The following ITGAE variants were observed in gnomAD, a reference collection of about 807,000 sequenced individuals.
The protein encoded by ITGAE is integrin alpha-E.
In ITGAE, 99 loss-of-function variants were observed where a neutral mutation model predicts 136.5. That is an observed-to-expected ratio of 0.73 (90% CI 0.62 to 0.86). The LOEUF is 0.86. Ranked by LOEUF, ITGAE falls within the 40% of genes least tolerant of loss-of-function variation. The pLI, the probability that ITGAE is intolerant of heterozygous loss-of-function variation, is 0.00. For missense variants in ITGAE, 1,447 were observed against 1,515.3 expected (o/e 0.95, Z 0.75); for synonymous variants, 613 against 591.8 (o/e 1.04, Z -0.52).
rs2050949441 is a variant in ITGAE, at chr17:3,716,710, A to G, written c.3422T>C (p.Val1141Ala). 6.2e-7 allele frequency: 1 copy of G among 1,603,020 alleles called. No homozygotes were observed. The highest frequency in any genetic ancestry group is 8.5e-7 in the Non-Finnish European group (1 of 1,170,008). The change falls in exon 30 of 31, where the codon GTG becomes GCG. Residue 1141 changes from valine to alanine, a missense_variant. Val to Ala is a moderately conservative substitution (Grantham distance 64). This residue lies in a region of ITGAE where 1,031 missense variants were observed against 1,011.4 expected (regional missense o/e 1.02). Coordinates refer to ENST00000263087, the MANE Select transcript of ITGAE (RefSeq NM_002208.5). ...GACCTTGAACAGGATGACCAGAATC[A>G]CGATCAACACCAGAAGTCCACCAAC... ...GSVGGLLVLIVILVILFKCGF... is the reference protein window; with the variant it reads ...GSVGGLLVLIAILVILFKCGF...
At chr17:3,767,757 G>T (rs1567545504) in intron 2 of ITGAE, among the ~76,000 whole-genome samples, 1 of 152,068 alleles carries the variant, frequency 6.6e-6, no homozygotes. Context: ...CAAGTTGCTG[G>T]GCCTACAGGA....
At chr17:3,767,824 T>C (rs1346674105) in intron 2 of ITGAE, among the ~76,000 whole-genome samples, 1 of 152,166 alleles carries the variant, frequency 6.6e-6, no homozygotes, top group East Asian at 1.9e-4. Flanking sequence ...GAAGTCTCAC[T>C]GTGTTGCCCA....
rs754301276 is a variant in ITGAE at position 3,724,088 on chromosome 17, C to T, written c.3085-344G>A. On this transcript the variant is annotated intron_variant, in intron 26 of 30. Transcript: ENST00000263087. ...TCTTCAACAGCAGCGGCAGCAGCGACGCCAGCATCGGCGACCCCTCGCAGT... is the reference window on the plus strand; with the variant it reads ...TCTTCAACAGCAGCGGCAGCAGCGATGCCAGCATCGGCGACCCCTCGCAGT... 26 of 1,595,778 alleles carry T rather than the reference C, an allele frequency of 1.6e-5. No homozygotes were observed. In the African/African-American group the frequency reaches 2.8e-4, roughly 17 times the overall value.
At chr17:3,717,073 T>G in intron 29 of ITGAE, 1 of 349,608 alleles carries the variant, frequency 2.9e-6, no homozygotes, top group South Asian at 3.0e-5. Flanking sequence ...CTGTTAAAGA[T>G]GCTCTGACAG....
chr17:3,726,372 G>T (rs1171984530), intron 26 of ITGAE: 1 of 1,411,562 alleles, frequency 7.1e-7, no homozygotes, highest in East Asian at 2.3e-5. Flanking sequence ...GAGGAGACTG[G>T]TCTTGAAGCC....
intron 29 of ITGAE, among the ~76,000 whole-genome samples, chr17:3,719,221 G>A (rs1354187056): frequency 8.7e-6 from 1 of 114,636 alleles, no homozygotes; most frequent in Non-Finnish European, 1.6e-5. Flanking sequence ...GGGCGACACA[G>A]TGAGATTCTT....
At chr17:3,774,488 G>A (rs931473672) in intron 2 of ITGAE, among the ~76,000 whole-genome samples, 1 of 152,210 alleles carries the variant, frequency 6.6e-6, no homozygotes, top group African/African-American at 2.4e-5. Flanking sequence ...TTGGGGCCAG[G>A]TGCGGTGGCT....
chr17:3,723,367 T>A lies in ITGAE; in HGVS notation c.3158A>T (p.His1053Leu). ...YSSVQHVEEW[H>L]SVSCVIASDK... ...TGAAGCGATGACACAGCTCACTGAA[T>A]GCCATTCTTCCACATGCTGGAAAAG... Residue 1053 changes from histidine (H) to leucine (L), a missense_variant, in exon 28 of 31, where the codon CAT becomes CTT. This residue lies in a region of ITGAE where 1,031 missense variants were observed against 1,011.4 expected (regional missense o/e 1.02). Transcript: ENST00000263087. 1 of 1,613,394 alleles carries A rather than the reference T, an allele frequency of 6.2e-7. No homozygotes were observed. Among genetic ancestry groups the A allele is most frequent in the Non-Finnish European group, 8.5e-7 (1 of 1,179,274 alleles).
intron 12 of ITGAE, among the ~76,000 whole-genome samples, 198 bp downstream of exon 12, chr17:3,754,919 C>T (rs1248826612): frequency 1.5e-5 from 2 of 131,022 alleles, no homozygotes; most frequent in Non-Finnish European, 3.4e-5. Flanking sequence ...CGCCCTCACC[C>T]AGGTAGCCCC....
chr17:3,757,095 G>A lies in ITGAE; in HGVS notation c.1060C>T (p.Leu354=). ...TCCGGGTCTGAGGCGATCAGGTTCA[G>A]TTCCCTCGCAGTCCTAGCACTCTTA... ...EFKSARTARE[L]NLIASDPDET... is the part of the protein sequence containing the mutation. Residue 354 remains leucine, a synonymous_variant, in exon 10 of 31, where the codon CTG becomes TTG. Coordinates refer to ENST00000263087, the MANE Select transcript of ITGAE (RefSeq NM_002208.5). 6.2e-7 allele frequency: 1 copy of A among 1,614,198 alleles called. No homozygotes were observed. The highest frequency in any genetic ancestry group is 2.2e-5 in the East Asian group (1 of 44,888).
chr17:3,744,866 CT>C (rs1276479372), intron 18 of ITGAE, among the ~76,000 whole-genome samples: 3 of 152,160 alleles, frequency 2.0e-5, no homozygotes, highest in African/African-American at 7.2e-5. Context: ...CTTTCTGCCC[CT>C]ATAAGAGCCT....
At chr17:3,741,099 A>T (rs1323358282) in intron 19 of ITGAE, among the ~76,000 whole-genome samples, 1 of 97,312 alleles carries the variant, frequency 1.0e-5, no homozygotes, top group Admixed American at 1.5e-4. Context: ...TTTTTTTGAG[A>T]CGGAGTCTCG....
intron 28 of ITGAE, among the ~76,000 whole-genome samples, 163 bp downstream of exon 28, chr17:3,723,125 C>T (rs997251063): frequency 2.0e-5 from 3 of 152,198 alleles, no homozygotes; most frequent in African/African-American, 7.2e-5. Context: ...TATCTCCCTC[C>T]TGAGGGTAGC....
intron 19 of ITGAE, among the ~76,000 whole-genome samples, chr17:3,741,815 G>A (rs2051594847): frequency 2.0e-5 from 3 of 152,126 alleles, no homozygotes; most frequent in Admixed American, 6.6e-5. Context: ...GGTGGCTCAC[G>A]TCTGTAATCC....
In ITGAE at chr17:3,780,593, C is replaced by T. The variant is rs368873499; in HGVS notation, c.35-2933G>A. Among the ~76,000 whole-genome samples, 7 of 151,828 alleles carry T rather than the reference C, an allele frequency of 4.6e-5. No homozygotes were observed. In the East Asian group the frequency reaches 5.8e-4, roughly 13 times the overall value. ...GATTACAGGCGTGAGCCACTGCACCCGGCCAATTTTTGTATTTTCAGTAGA... is the reference window on the plus strand; with the variant it reads ...GATTACAGGCGTGAGCCACTGCACCTGGCCAATTTTTGTATTTTCAGTAGA... On this transcript the variant is annotated intron_variant, in intron 1 of 30. Coordinates refer to ENST00000263087, the MANE Select transcript of ITGAE (RefSeq NM_002208.5).
At chr17:3,777,236 C>T (rs1191123193) in intron 2 of ITGAE, among the ~76,000 whole-genome samples, 2 of 152,196 alleles carry the variant, frequency 1.3e-5, no homozygotes, top group Non-Finnish European at 2.9e-5. Context: ...GCTGGGATTA[C>T]AGGCGTGAGC....
rs779290701 is a variant in ITGAE at position 3,747,942 on chromosome 17, A to G, written c.2135T>C (p.Val712Ala). 8 of 1,595,888 alleles carry G rather than the reference A, an allele frequency of 5.0e-6. No individual in the cohort carries two copies. The highest frequency in any genetic ancestry group is 6.8e-6 in the Non-Finnish European group (8 of 1,168,350). ...TTTACCTGACTCAGAGGCTGTGGTT[A>G]CAGAGCTGATTTCAAAACATAAACG... The part of the protein sequence containing the change: ...NVRLCFEISS[V>A]TTASESGLRE... The change falls in exon 17 of 31, where the codon GTA (valine) becomes GCA (alanine). Residue 712 changes from valine (V) to alanine (A), a missense_variant. Val to Ala is a moderately conservative substitution (Grantham distance 64). This residue lies in a region of ITGAE where 1,031 missense variants were observed against 1,011.4 expected (regional missense o/e 1.02). Coordinates refer to ENST00000263087, the MANE Select transcript of ITGAE (RefSeq NM_002208.5).
chr17:3,792,282 T>C (rs1295740586), intron 1 of ITGAE, among the ~76,000 whole-genome samples: 5 of 152,000 alleles, frequency 3.3e-5, no homozygotes, highest in Non-Finnish European at 5.9e-5. Context: ...CCACCACACC[T>C]GGATAATTTT....
intron 14 of ITGAE, among the ~76,000 whole-genome samples, chr17:3,752,689 T>C (rs530013683): frequency 6.9e-4 from 101 of 146,458 alleles, no homozygotes; most frequent in Non-Finnish European, 1.3e-3. Context: ...AGGTAGAGGT[T>C]GCAGTAAGTT....
Sources: gnomAD v4.1 joint callset for allele counts (sites outside exome capture counted in the v4.1 genomes callset) on GRCh38, gnomAD v4.1.1 for gene constraint, gnomAD v4.1.1 regional missense constraint, MANE v1.5 for transcripts, NCBI Gene and HGNC (gene_info 2026-07-23, HGNC 2026-07-21) for gene names.